Variants in ABCE1 observed in about 807,000 individuals in gnomAD.
ABCE1 encodes the protein ATP-binding cassette sub-family E member 1.
In ABCE1, 22 loss-of-function variants were observed where a neutral mutation model predicts 83.4. The observed-to-expected ratio is 0.26, with a 90% CI of 0.19 to 0.38. The LOEUF (loss-of-function observed/expected upper bound fraction) is 0.38. ABCE1 is among the 10% of genes least tolerant of loss of function. The pLI is 1.00. For synonymous variants in ABCE1, 204 were observed against 233.7 expected (o/e 0.87, Z 1.16); for missense variants, 330 against 721.9 (o/e 0.46, Z 6.22).
chr4:145,102,417 G>A (rs1396058852), intron 1 of ABCE1, among the ~76,000 whole-genome samples: 5 of 152,138 alleles, frequency 3.3e-5, no homozygotes, highest in African/African-American at 1.2e-4. Context: ...AATTGATGAA[G>A]TTAAAGACAG....
chr4:145,106,286 C>T (rs1388824716), intron 3 of ABCE1, among the ~76,000 whole-genome samples: 5 of 151,946 alleles, frequency 3.3e-5, no homozygotes, highest in Admixed American at 3.3e-4. Flanking sequence ...TAAAAAGGCG[C>T]TTCACCAGAA....
At position 145,104,439 on chromosome 4, in the gene ABCE1, T is replaced by C; in HGVS notation, c.27T>C (p.Ala9=). 1.2e-6 allele frequency: 2 copies of C among 1,601,794 alleles called. No homozygotes were observed. The highest frequency in any genetic ancestry group is 1.7e-6 in the Non-Finnish European group (2 of 1,174,666). The change falls in exon 2 of 18, where the codon GCT becomes GCC. Residue 9 remains alanine, a synonymous_variant. Transcript: ENST00000296577. ...TGGCAGACAAGTTAACGAGAATTGC[T>C]ATTGTCAACCATGACAAATGTAAAC... MADKLTRI[A]IVNHDKCKPK...
In ABCE1 at chr4:145,104,387, A is replaced by G. The variant is rs773642152; in HGVS notation, c.-26A>G. The G allele has an allele frequency of 6.7e-7, 1 of 1,489,080 alleles. No individual in the cohort carries two copies. Among genetic ancestry groups the G allele is most frequent in the Non-Finnish European group, 9.2e-7 (1 of 1,087,980 alleles). The allele number at this position is 1,489,080 out of a possible 1,614,324, so 92.2% of individuals were successfully genotyped here. ...AATTTGTTGATTTTTCTTTCATAGAAGAGCTGGATATTCTTTCGCCCAGTT... is the reference window on the plus strand; with the variant it reads ...AATTTGTTGATTTTTCTTTCATAGAGGAGCTGGATATTCTTTCGCCCAGTT... On this transcript the variant is annotated splice_region_variant and 5_prime_UTR_variant, in exon 2 of 18. Transcript: ENST00000296577.
intron 10 of ABCE1, among the ~76,000 whole-genome samples, chr4:145,118,891 T>G (rs1749671552): frequency 6.6e-6 from 1 of 151,852 alleles, no homozygotes; most frequent in Admixed American, 6.6e-5. Flanking sequence ...CTTGCTGTGT[T>G]TTTTTTAAAC....
chr4:145,102,417 G>C (rs1396058852), intron 1 of ABCE1, among the ~76,000 whole-genome samples: 1 of 152,138 alleles, frequency 6.6e-6, no homozygotes, highest in Non-Finnish European at 1.5e-5. Flanking sequence ...AATTGATGAA[G>C]TTAAAGACAG....
At chr4:145,099,830 T>C (rs916973807) in intron 1 of ABCE1, among the ~76,000 whole-genome samples, 1 of 152,242 alleles carries the variant, frequency 6.6e-6, no homozygotes, top group Non-Finnish European at 1.5e-5. Flanking sequence ...CTTCTAAGTA[T>C]TCCTCACTTC....
rs761729172 is a variant in ABCE1 at position 145,124,996 on chromosome 4, A to T, written c.1647A>T (p.Gln549His). The T allele has an allele frequency of 1.6e-5, 26 of 1,610,742 alleles. No homozygotes were observed. The highest frequency in any genetic ancestry group is 2.2e-5 in the Non-Finnish European group (26 of 1,178,082). The change falls in exon 17 of 18, where the codon CAA becomes CAT. Residue 549 changes from glutamine (Q) to histidine (H), a missense_variant. By Grantham distance (24) the Gln-to-His change is conservative. Coordinates refer to ENST00000296577, the MANE Select transcript of ABCE1 (RefSeq NM_002940.3). Reference sequence around the variant, plus strand: ...ATTTTTTTTTTTCTCTTAGTCCTCAAACCCTTTTGGCTGGCATGAATAAAT... The same window carrying T: ...ATTTTTTTTTTTCTCTTAGTCCTCATACCCTTTTGGCTGGCATGAATAAAT... The part of the protein sequence containing the change: ...PSKNTVANSP[Q>H]TLLAGMNKFL...
At chr4:145,124,401 G>A (rs1166754649) in intron 16 of ABCE1, among the ~76,000 whole-genome samples, 3 of 151,678 alleles carry the variant, frequency 2.0e-5, no homozygotes, top group Non-Finnish European at 4.4e-5. Flanking sequence ...AAAGAGCTAG[G>A]GAAATTTCTT....
At chr4:145,110,557 C>T in intron 7 of ABCE1, 113 bp downstream of exon 7, 2 of 1,000,050 alleles carry the variant, frequency 2.0e-6, no homozygotes, top group Non-Finnish European at 3.0e-6. Context: ...CTTACCACAA[C>T]CTCTGCCTCC....
chr4:145,114,198 T>C (rs1318468278), intron 9 of ABCE1, among the ~76,000 whole-genome samples: 1 of 152,084 alleles, frequency 6.6e-6, no homozygotes, highest in African/African-American at 2.4e-5. Context: ...GGCATTATGA[T>C]AGGCTCTTTG....
chr4:145,120,134 G>C lies in ABCE1; in HGVS notation c.1125G>C (p.Met375Ile), dbSNP rs1289986494. The C allele has an allele frequency of 6.2e-7, 1 of 1,603,736 alleles. No homozygotes were observed. The highest frequency in any genetic ancestry group is 2.2e-5 in the East Asian group (1 of 44,592). The change falls in exon 11 of 18, where the codon ATG becomes ATC. Residue 375 changes from methionine (M) to isoleucine (I), a missense_variant. Coordinates refer to ENST00000296577, the MANE Select transcript of ABCE1 (RefSeq NM_002940.3). ...GAGAGTTTACAGATTCTGAAATTAT[G>C]GTGATGCTGGGGGAAAATGGTAAGT... is the stretch of plus-strand genomic sequence containing the variant. ...VAGEFTDSEI[M>I]VMLGENGTGK...
At position 145,119,692 on chromosome 4, in the gene ABCE1, A is replaced by T. The variant is rs534044058; in HGVS notation, c.923-240A>T. 2.0e-5 allele frequency among the ~76,000 whole-genome samples: 3 copies of T among 152,132 alleles called. No homozygotes were observed. The East Asian group carries it at 5.8e-4, about 29-fold the overall frequency. On this transcript the variant is annotated intron_variant, in intron 10 of 17. Transcript: ENST00000296577. ...TGCATAAAACCTGATGGAAAAAGTA[A>T]TTACAGGATAATGAGAAGATGTACT... is the stretch of plus-strand genomic sequence containing the variant.
intron 9 of ABCE1, among the ~76,000 whole-genome samples, chr4:145,113,909 A>T (rs1206353938): frequency 1.3e-5 from 2 of 152,120 alleles, no homozygotes; most frequent in African/African-American, 4.8e-5. Flanking sequence ...TAAAATGTGG[A>T]AAGAAGGTTC....
intron 6 of ABCE1, 23 bp from the exon 7 acceptor site, chr4:145,110,352 C>G: frequency 6.2e-7 from 1 of 1,606,960 alleles, no homozygotes; most frequent in Non-Finnish European, 8.5e-7. Flanking sequence ...AAAATAGTAA[C>G]TGTTTTTGGT....
intron 3 of ABCE1, among the ~76,000 whole-genome samples, chr4:145,107,138 G>A (rs756735553): frequency 3.3e-5 from 5 of 152,048 alleles, no homozygotes; most frequent in Non-Finnish European, 7.4e-5. Flanking sequence ...ATAGTTGAAT[G>A]TTATTTGAAT....
chr4:145,120,452 T>C (rs1749713783), intron 11 of ABCE1, among the ~76,000 whole-genome samples: 1 of 152,096 alleles, frequency 6.6e-6, no homozygotes, highest in South Asian at 2.1e-4. Flanking sequence ...ATCTTATAAA[T>C]TGACTAAGAT....
intron 1 of ABCE1, among the ~76,000 whole-genome samples, chr4:145,103,818 G>A (rs538515882): frequency 1.3e-5 from 2 of 149,144 alleles, no homozygotes; most frequent in African/African-American, 5.0e-5. Context: ...CTGGAGTGCA[G>A]TAGTGTGATC....
intron 11 of ABCE1, 30 bp downstream of exon 11, chr4:145,120,183 ATCT>A: frequency 1.3e-6 from 2 of 1,560,172 alleles, no homozygotes; most frequent in Non-Finnish European, 1.7e-6. Flanking sequence ...ATAAGTAAAA[ATCT>A]TCCTGTTTAT....
intron 4 of ABCE1, 95 bp downstream of exon 4, chr4:145,108,207 T>G: frequency 9.5e-7 from 1 of 1,054,918 alleles, no homozygotes; most frequent in Non-Finnish European, 1.4e-6. Flanking sequence ...GGAAATGCTA[T>G]TAACCAGTCA....
Sources: allele counts gnomAD v4.1 joint callset (sites outside exome capture counted in the v4.1 genomes callset), GRCh38; gene constraint gnomAD v4.1.1; transcripts MANE v1.5; gene names NCBI Gene and HGNC (gene_info 2026-07-23, HGNC 2026-07-21).